GLYATL3: variants seen among roughly 807,000 people sequenced by gnomAD.
GLYATL3 encodes glycine N-acyltransferase-like protein 3.
GLYATL3 carries 31 observed loss-of-function variants against 28.5 expected under a neutral mutation model. The observed-to-expected ratio is 1.09, with a 90% CI of 0.82 to 1.47. GLYATL3 has a LOEUF of 1.47. GLYATL3 is among the 40% of genes most tolerant of loss of function. GLYATL3 has a pLI of 0.00. For synonymous variants in GLYATL3, 141 were observed against 140.2 expected (o/e 1.01, Z -0.04); for missense variants, 369 against 351.5 (o/e 1.05, Z -0.40).
intron 1 of GLYATL3, among the ~76,000 whole-genome samples, chr6:49,509,838 C>T (rs1347563475): frequency 6.6e-6 from 1 of 152,130 alleles, no homozygotes; most frequent in African/African-American, 2.4e-5. Context: ...CCATACTTTG[C>T]ATATTAACCT....
intron 2 of GLYATL3, among the ~76,000 whole-genome samples, chr6:49,514,482 A>G (rs1404262901): frequency 6.6e-6 from 1 of 152,214 alleles, no homozygotes; most frequent in Non-Finnish European, 1.5e-5. Flanking sequence ...AGCTTCTACA[A>G]GCATACATGT....
At chr6:49,505,546 G>T (rs957012809) in intron 1 of GLYATL3, among the ~76,000 whole-genome samples, 1 of 152,154 alleles carries the variant, frequency 6.6e-6, no homozygotes, top group Non-Finnish European at 1.5e-5. Context: ...AGTAAGTTCT[G>T]GTAGAATCCA....
chr6:49,503,748 A>G (rs987002224), intron 1 of GLYATL3, among the ~76,000 whole-genome samples: 7 of 152,206 alleles, frequency 4.6e-5, no homozygotes, highest in African/African-American at 2.4e-5. Flanking sequence ...TCAGAGATTC[A>G]TGTTTTGATC....
rs1769442866 is a variant in GLYATL3, at chr6:49,527,462, A to G, written c.*548A>G. Among the ~76,000 whole-genome samples, 1 of 152,134 alleles carries G rather than the reference A, an allele frequency of 6.6e-6. No individual in the cohort carries two copies. On this transcript the variant is annotated 3_prime_UTR_variant, in exon 6 of 6. Coordinates refer to ENST00000371197, the MANE Select transcript of GLYATL3 (RefSeq NM_001010904.2). ...ACTTCTGCCTAGGACTCTAGCCTATAGTTCACTGCCCTGGGAATGTTCAAA... is the reference window on the plus strand; with the variant it reads ...ACTTCTGCCTAGGACTCTAGCCTATGGTTCACTGCCCTGGGAATGTTCAAA...
chr6:49,507,907 A>T (rs926140713), intron 1 of GLYATL3, among the ~76,000 whole-genome samples: 5 of 152,188 alleles, frequency 3.3e-5, no homozygotes, highest in Non-Finnish European at 5.9e-5. Flanking sequence ...ATTTAGGGTC[A>T]TTTGATTATG....
chr6:49,506,425 T>C (rs1177431315), intron 1 of GLYATL3, among the ~76,000 whole-genome samples: 1 of 152,188 alleles, frequency 6.6e-6, no homozygotes, highest in East Asian at 1.9e-4. Flanking sequence ...AGGTAAAACT[T>C]TCCATTGATA....
intron 3 of GLYATL3, among the ~76,000 whole-genome samples, chr6:49,516,986 T>C (rs1769227415): frequency 1.3e-5 from 2 of 150,738 alleles, no homozygotes; most frequent in African/African-American, 4.9e-5. Context: ...TGAAACCCCA[T>C]CTCTACTAAA....
chr6:49,521,650 C>A lies in GLYATL3; in HGVS notation c.319C>A (p.Gln107Lys). The change falls in exon 5 of 6, where the codon CAG (glutamine) becomes AAG (lysine). Residue 107 changes from glutamine (Q) to lysine (K), a missense_variant. Physicochemically the swap from Gln to Lys is moderately conservative, Grantham distance 53. Transcript: ENST00000371197. ...WDQVFQIQGLQSELYDVSKAV... is the reference protein window; with the variant it reads ...WDQVFQIQGLKSELYDVSKAV... ...TTATGTCTTTCTATACACAGGGCTG[C>A]AGAGTGAGTTATATGATGTTTCCAA... 1 of 1,550,680 alleles carries A rather than the reference C, an allele frequency of 6.4e-7. No individual in the cohort carries two copies. Among genetic ancestry groups the A allele is most frequent in the Non-Finnish European group, 8.7e-7 (1 of 1,146,302 alleles).
intron 1 of GLYATL3, among the ~76,000 whole-genome samples, chr6:49,502,857 C>G (rs1008783063): frequency 9.9e-5 from 15 of 152,042 alleles, no homozygotes; most frequent in Non-Finnish European, 1.9e-4. Context: ...GGAAGATTCC[C>G]AAGGCCTATG....
At chr6:49,506,525 A>G (rs1056460066) in intron 1 of GLYATL3, among the ~76,000 whole-genome samples, 2 of 152,180 alleles carry the variant, frequency 1.3e-5, no homozygotes, top group African/African-American at 4.8e-5. Flanking sequence ...TGAAAAAAGC[A>G]GTCTTTAAGG....
rs1275204529 is a variant in GLYATL3 at position 49,515,715 on chromosome 6, T to A, written c.141T>A (p.Asp47Glu). The stretch of plus-strand genomic sequence containing the variant: ...CCTTTCAAAAGGAAGTGGTGTTGGA[T>A]TCATGGCCGGATTTCAAAGCTGTTA... ...GNPFQKEVVL[D>E]SWPDFKAVIT... Residue 47 changes from aspartate (D) to glutamate (E), a missense_variant, in exon 3 of 6, where the codon GAT becomes GAA. Asp to Glu is a conservative substitution (Grantham distance 45). Transcript: ENST00000371197. 4.5e-6 allele frequency: 7 copies of A among 1,551,194 alleles called. No homozygotes were observed. The highest frequency in any genetic ancestry group is 2.0e-5 in the Admixed American group (1 of 50,948).
At chr6:49,511,259 A>T (rs567236618) in intron 1 of GLYATL3, among the ~76,000 whole-genome samples, 2 of 152,338 alleles carry the variant, frequency 1.3e-5, no homozygotes, top group East Asian at 1.9e-4. Flanking sequence ...TCTAAAAAAA[A>T]TCTAATTGCA....
intron 2 of GLYATL3, among the ~76,000 whole-genome samples, chr6:49,513,117 T>A (rs1052300394): frequency 1.3e-5 from 2 of 152,108 alleles, no homozygotes; most frequent in African/African-American, 4.8e-5. Context: ...ATGAAAAAAA[T>A]TTCAGTGACC....
chr6:49,522,576 A>C, intron 5 of GLYATL3, among the ~76,000 whole-genome samples: 1 of 152,210 alleles, frequency 6.6e-6, no homozygotes, highest in South Asian at 2.1e-4. Context: ...TAGAATGATT[A>C]AACCAAGCCA....
intron 1 of GLYATL3, 68 bp from the exon 2 acceptor site, chr6:49,511,895 A>G: frequency 1.7e-6 from 1 of 580,636 alleles, no homozygotes; most frequent in Non-Finnish European, 3.0e-6. Context: ...GAATTACAAG[A>G]AAACTCCTAA....
chr6:49,513,701 C>T (rs767815723), intron 2 of GLYATL3, among the ~76,000 whole-genome samples: 10 of 152,104 alleles, frequency 6.6e-5, no homozygotes, highest in East Asian at 5.8e-4. Context: ...ATAAGCCGAA[C>T]CCAATTTGGA....
chr6:49,511,241 C>A (rs1769116905), intron 1 of GLYATL3, among the ~76,000 whole-genome samples: 1 of 152,052 alleles, frequency 6.6e-6, no homozygotes, highest in South Asian at 2.1e-4. Flanking sequence ...CGAGGTGAAG[C>A]CCCCAAATCT....
chr6:49,521,696 A>G lies in GLYATL3; in HGVS notation c.365A>G (p.Gln122Arg). 6.5e-7 allele frequency: 1 copy of G among 1,548,384 alleles called. No individual in the cohort carries two copies. The highest frequency in any genetic ancestry group is 8.7e-7 in the Non-Finnish European group (1 of 1,143,918). ...TCCAAAGCGGTTGCCAATTCAAAGC[A>G]GTTGAATATAAAGCTAACTTCCTTC... ...DVSKAVANSKQLNIKLTSFKA... is the reference protein window; with the variant it reads ...DVSKAVANSKRLNIKLTSFKA... Residue 122 changes from glutamine (Q) to arginine (R), a missense_variant, in exon 5 of 6, where the codon CAG becomes CGG. Coordinates refer to ENST00000371197, the MANE Select transcript of GLYATL3 (RefSeq NM_001010904.2).
chr6:49,515,592 A>G lies in GLYATL3; in HGVS notation c.79-61A>G, dbSNP rs1186300025. 12 of 928,080 alleles carry G rather than the reference A, an allele frequency of 1.3e-5. No homozygotes were observed. In the East Asian group the frequency reaches 1.3e-4, roughly 10 times the overall value. 57.5% of individuals were successfully genotyped at this position (928,080 alleles called of 1,614,324 possible). ...CACAGTAGAACAAGAGGTAAAGACG[A>G]TAATATGTGAGTGAAACAGCTAATA... On this transcript the variant is annotated intron_variant, in intron 2 of 5. Transcript: ENST00000371197.
Sources: gnomAD v4.1 joint callset for allele counts (sites outside exome capture counted in the v4.1 genomes callset) on GRCh38, gnomAD v4.1.1 for gene constraint, MANE v1.5 for transcripts, NCBI Gene and HGNC (gene_info 2026-07-23, HGNC 2026-07-21) for gene names.